Variants in C9orf85 observed in about 807,000 individuals in gnomAD.
The protein encoded by C9orf85 is uncharacterized protein C9orf85.
Under a neutral mutation model 14.9 loss-of-function variants are expected in C9orf85, and 16 were observed. The ratio of observed to expected loss-of-function variants is 1.08; its 90% CI spans 0.73 to 1.63. The LOEUF is 1.63. C9orf85 is among the 40% of genes most tolerant of loss of function. The probability of loss-of-function intolerance (pLI) is 0.00; values close to 1 mark genes in which losing one functional copy is unlikely to be tolerated. For missense variants in C9orf85, 172 were observed against 186.1 expected (o/e 0.92, Z 0.44); for synonymous variants, 45 against 56.8 (o/e 0.79, Z 0.93).
At chr9:71,948,929 C>T (rs577012859) in intron 2 of C9orf85, among the ~76,000 whole-genome samples, 32 of 150,290 alleles carry the variant, frequency 2.1e-4, no homozygotes, top group African/African-American at 7.3e-4. Flanking sequence ...GAGTTTTATG[C>T]TTAGTGGCCC....
At chr9:71,938,403 A>T (rs1828243619) in intron 1 of C9orf85, among the ~76,000 whole-genome samples, 4 of 152,176 alleles carry the variant, frequency 2.6e-5, no homozygotes, top group Admixed American at 2.6e-4. Context: ...AAGTTTGGTC[A>T]TTTTTTTAAA....
In C9orf85 at chr9:71,973,000, C is replaced by A; in HGVS notation, c.*158C>A. ...CTCCACTAAAAGTACAAAAAATTAG[C>A]TGGGCGTGGTGGCTCATGCCTGTAA... is the stretch of plus-strand genomic sequence containing the variant. On this transcript the variant is annotated 3_prime_UTR_variant, in exon 4 of 4. Transcript: ENST00000334731. The A allele has an allele frequency of 2.4e-6, 1 of 411,046 alleles. No homozygotes were observed. The highest frequency in any genetic ancestry group is 4.4e-6 in the Non-Finnish European group (1 of 225,030). 25.5% of individuals were successfully genotyped at this position (411,046 alleles called of 1,614,324 possible). A position where few individuals can be genotyped will look rare whatever the true frequency, so the allele number is the denominator to read the frequency against.
At chr9:71,957,412 A>G (rs944441446) in intron 2 of C9orf85, among the ~76,000 whole-genome samples, 1 of 152,220 alleles carries the variant, frequency 6.6e-6, no homozygotes, top group Non-Finnish European at 1.5e-5. Context: ...GAAATAAGTA[A>G]TTATTAAATA....
chr9:71,920,158 T>C (rs1030555376), intron 1 of C9orf85, among the ~76,000 whole-genome samples: 2 of 152,158 alleles, frequency 1.3e-5, no homozygotes, highest in African/African-American at 4.8e-5. Context: ...CTAAAGCATG[T>C]TTCTTAATGT....
intron 2 of C9orf85, among the ~76,000 whole-genome samples, chr9:71,953,721 T>C (rs1214792858): frequency 6.6e-6 from 1 of 152,136 alleles, no homozygotes; most frequent in Admixed American, 6.6e-5. Flanking sequence ...TTCTCCTCTT[T>C]TAAATTGATC....
intron 3 of C9orf85, among the ~76,000 whole-genome samples, chr9:71,980,214 A>G (rs1376811181): frequency 3.3e-5 from 5 of 151,992 alleles, no homozygotes; most frequent in Non-Finnish European, 7.4e-5. Flanking sequence ...GGGTTTCACC[A>G]TTTTGGCCAG....
intron 3 of C9orf85, 85 bp from the exon 4 acceptor site, chr9:71,972,607 G>A (rs2132364542): frequency 1.0e-6 from 1 of 965,358 alleles, no homozygotes; most frequent in Non-Finnish European, 1.5e-6. Flanking sequence ...TATTCAAGAA[G>A]TGTAGTGGTA....
intron 3 of C9orf85, 62 bp downstream of exon 3, chr9:71,971,680 A>G (rs1822871295): frequency 8.4e-7 from 1 of 1,195,116 alleles, no homozygotes; most frequent in South Asian, 1.2e-5. Flanking sequence ...ATTTCTTTTA[A>G]GAGATGATCC....
intron 1 of C9orf85, among the ~76,000 whole-genome samples, chr9:71,917,735 C>G (rs1234480272): frequency 6.6e-6 from 1 of 152,098 alleles, no homozygotes; most frequent in Non-Finnish European, 1.5e-5. Flanking sequence ...TCTATAGAGA[C>G]CAGAAAGGCA....
chr9:71,963,765 C>T (rs556911722), intron 2 of C9orf85, among the ~76,000 whole-genome samples: 1 of 152,216 alleles, frequency 6.6e-6, no homozygotes, highest in South Asian at 2.1e-4. Flanking sequence ...CGGGCCTTAG[C>T]TGCCTTCCTG....
rs542397003 is a variant in C9orf85, at chr9:71,969,348, G to A, written c.210-2157G>A. 9.2e-5 allele frequency among the ~76,000 whole-genome samples: 14 copies of A among 152,116 alleles called. No individual in the cohort carries two copies. In the East Asian group the frequency reaches 2.7e-3, roughly 29 times the overall value. On this transcript the variant is annotated intron_variant, in intron 2 of 3. Coordinates refer to ENST00000334731, the MANE Select transcript of C9orf85 (RefSeq NM_182505.5). ...GTAGAGATGTGGTTTCACTATGTTGGCTGGGCTGGTCTCAATCTCCTGGCC... is the reference window on the plus strand; with the variant it reads ...GTAGAGATGTGGTTTCACTATGTTGACTGGGCTGGTCTCAATCTCCTGGCC...
chr9:71,971,564 C>T lies in C9orf85; in HGVS notation c.269C>T (p.Ala90Val), dbSNP rs1441751533. 1.2e-6 allele frequency: 2 copies of T among 1,612,970 alleles called. No homozygotes were observed. The highest frequency in any genetic ancestry group is 1.7e-6 in the Non-Finnish European group (2 of 1,179,408). The change falls in exon 3 of 4, where the codon GCC (alanine) becomes GTC (valine). Residue 90 changes from alanine (A) to valine (V), a missense_variant. Coordinates refer to ENST00000334731, the MANE Select transcript of C9orf85 (RefSeq NM_182505.5). Reference protein sequence around the residue: ...DSYHIMCRPCACELEVCAKCG... With the variant: ...DSYHIMCRPCVCELEVCAKCG... Reference sequence around the variant, plus strand: ...TATCACATAATGTGCAGGCCATGTGCCTGTGAACTTGAAGTTTGCGCAAAA... The same window carrying T: ...TATCACATAATGTGCAGGCCATGTGTCTGTGAACTTGAAGTTTGCGCAAAA...
chr9:71,960,176 T>C (rs773680984), intron 2 of C9orf85, among the ~76,000 whole-genome samples: 15 of 152,034 alleles, frequency 9.9e-5, no homozygotes, highest in Non-Finnish European at 1.6e-4. Context: ...AAGAGTGGTA[T>C]GAATAATCAC....
At chr9:71,956,737 G>A (rs11143038) in intron 2 of C9orf85, among the ~76,000 whole-genome samples, 29,031 of 151,568 alleles carry the variant, frequency 0.19, 3,110 homozygotes, top group Non-Finnish European at 0.24. Flanking sequence ...TCAAAACCTG[G>A]GGGAAAAAAA....
chr9:71,981,733 T>C (rs537464542), intron 3 of C9orf85, among the ~76,000 whole-genome samples: 1 of 152,338 alleles, frequency 6.6e-6, no homozygotes, highest in African/African-American at 2.4e-5. Flanking sequence ...TCAATTTAAC[T>C]ATTGTGGGGC....
chr9:71,939,351 A>C (rs1828275036), intron 1 of C9orf85, among the ~76,000 whole-genome samples: 1 of 152,098 alleles, frequency 6.6e-6, no homozygotes, highest in Non-Finnish European at 1.5e-5. Context: ...AAAAAAATCC[A>C]AATTACTATA....
At chr9:71,956,205 G>C (rs1201167355) in intron 2 of C9orf85, among the ~76,000 whole-genome samples, 1 of 149,610 alleles carries the variant, frequency 6.7e-6, no homozygotes, top group Non-Finnish European at 1.5e-5. Context: ...AATAAGCATT[G>C]GGTATCACAA....
chr9:71,963,530 A>T (rs893871967), intron 2 of C9orf85, among the ~76,000 whole-genome samples: 5 of 152,000 alleles, frequency 3.3e-5, no homozygotes, highest in African/African-American at 1.2e-4. Context: ...GCTTGCAGGG[A>T]GGTGTGGAGG....
At chr9:71,928,723 C>T (rs933447854) in intron 1 of C9orf85, among the ~76,000 whole-genome samples, 1 of 152,010 alleles carries the variant, frequency 6.6e-6, no homozygotes, top group East Asian at 1.9e-4. Flanking sequence ...TTTTCCTTCA[C>T]ACAAGGATGA....
Sources: gnomAD v4.1 joint callset for allele counts (sites outside exome capture counted in the v4.1 genomes callset) on GRCh38, gnomAD v4.1.1 for gene constraint, MANE v1.5 for transcripts, NCBI Gene and HGNC (gene_info 2026-07-23, HGNC 2026-07-21) for gene names.